RNPC3: variants seen among roughly 807,000 people sequenced by gnomAD.
RNPC3 encodes the protein RNA-binding region-containing protein 3.
A neutral mutation model predicts 67.5 loss-of-function variants in RNPC3; 48 were observed. That is an observed-to-expected ratio of 0.71 (90% CI 0.56 to 0.90). The LOEUF (loss-of-function observed/expected upper bound fraction) is 0.90, where lower values mean the gene tolerates loss of function less well. Ranked by LOEUF, RNPC3 falls within the 40% of genes least tolerant of loss-of-function variation. RNPC3 has a pLI of 0.00. For synonymous variants in RNPC3, 239 were observed against 210.3 expected (o/e 1.14, Z -1.18); for missense variants, 637 against 626.1 (o/e 1.02, Z -0.19).
At position 103,529,802 on chromosome 1, in the gene RNPC3, C is replaced by T. The variant is rs146171109; in HGVS notation, c.240+2060C>T. 2.1e-3 allele frequency among the ~76,000 whole-genome samples: 326 copies of T among 152,276 alleles called. 4 individuals carry two copies. Among genetic ancestry groups the T allele is most frequent in the South Asian group, 8.5e-3 (41 of 4,830 alleles). On this transcript the variant is annotated intron_variant, in intron 2 of 14. Coordinates refer to ENST00000423855, the MANE Select transcript of RNPC3 (RefSeq NM_017619.4). ...TGGGACACAGACTGGTACCCAGCCACGGCCTGGTACCTAACCACCACCTGT... is the reference window on the plus strand; with the variant it reads ...TGGGACACAGACTGGTACCCAGCCATGGCCTGGTACCTAACCACCACCTGT...
chr1:103,527,800 T>C, intron 2 of RNPC3, 58 bp downstream of exon 2: 4 of 1,258,614 alleles, frequency 3.2e-6, no homozygotes, highest in Non-Finnish European at 4.5e-6. Context: ...ACAATCTTGG[T>C]TCAGATAATG....
At chr1:103,540,480 C>A (rs981607259) in intron 7 of RNPC3, among the ~76,000 whole-genome samples, 1 of 152,058 alleles carries the variant, frequency 6.6e-6, no homozygotes, top group Non-Finnish European at 1.5e-5. Flanking sequence ...TTTGGGTCAG[C>A]AATTTATAAA....
chr1:103,548,376 A>G (rs1451635798), intron 12 of RNPC3, among the ~76,000 whole-genome samples: 1 of 152,178 alleles, frequency 6.6e-6, no homozygotes, highest in Non-Finnish European at 1.5e-5. Flanking sequence ...TTTGCTGCTT[A>G]GAGATTTCTT....
intron 8 of RNPC3, 101 bp downstream of exon 8, chr1:103,541,576 G>A: frequency 8.3e-7 from 1 of 1,201,886 alleles, no homozygotes; most frequent in Non-Finnish European, 1.1e-6. Flanking sequence ...TCCTGTCAGT[G>A]TTCTTGGTTT....
rs894184010 is a variant in RNPC3 at position 103,525,895 on chromosome 1, G to A, written c.-176G>A. The A allele has an allele frequency of 3.4e-6, 2 of 596,674 alleles. No individual in the cohort carries two copies. The highest frequency in any genetic ancestry group is 5.9e-6 in the Non-Finnish European group (2 of 340,150). The allele number at this position is 596,674 out of a possible 1,614,324, so 37.0% of individuals were successfully genotyped here. A position where few individuals can be genotyped will look rare whatever the true frequency, so the allele number is the denominator to read the frequency against. On this transcript the variant is annotated 5_prime_UTR_variant, in exon 1 of 15. Coordinates refer to ENST00000423855, the MANE Select transcript of RNPC3 (RefSeq NM_017619.4). ...CCCTTCCCCGAAGAGTCTTCGAAGGGTTGCCGCTTTTCGGTGGCGCAGTTC... is the reference window on the plus strand; with the variant it reads ...CCCTTCCCCGAAGAGTCTTCGAAGGATTGCCGCTTTTCGGTGGCGCAGTTC...
Position 103,544,970 on chromosome 1 carries a change from A to T in RNPC3, c.1075A>T (p.Asn359Tyr). Reference protein sequence around the residue: ...DLPATEVDASNIGFGKIFPKP... With the variant: ...DLPATEVDASYIGFGKIFPKP... ...ACCTGCTACTGAAGTTGATGCATCCAATATAGGATTTGGAAAAATCTTCCC... is the reference window on the plus strand; with the variant it reads ...ACCTGCTACTGAAGTTGATGCATCCTATATAGGATTTGGAAAAATCTTCCC... Residue 359 changes from asparagine to tyrosine, a missense_variant, in exon 10 of 15, where the codon AAT becomes TAT. Physicochemically the swap from Asn to Tyr is moderately radical, Grantham distance 143. Transcript: ENST00000423855. 1 of 1,531,978 alleles carries T rather than the reference A, an allele frequency of 6.5e-7. No homozygotes were observed. Among genetic ancestry groups the T allele is most frequent in the Non-Finnish European group, 8.7e-7 (1 of 1,143,836 alleles). 94.9% of individuals were successfully genotyped at this position (1,531,978 alleles called of 1,614,324 possible).
In RNPC3 at chr1:103,541,380, T is replaced by G. The variant is rs748611184; in HGVS notation, c.798T>G (p.Leu266=). ...ACAAATTAATGGAACTAGCAAATCT[T>G]CAGCCCAAAAGACCTAAAACAATAA... ...RMNKLMELAN[L]QPKRPKTIKQ... The change falls in exon 8 of 15, where the codon CTT becomes CTG. Residue 266 remains leucine (L), a synonymous_variant. Transcript: ENST00000423855. 1.5e-5 allele frequency: 22 copies of G among 1,506,442 alleles called. No individual in the cohort carries two copies. The highest frequency in any genetic ancestry group is 1.8e-5 in the Non-Finnish European group (21 of 1,136,408). 93.3% of individuals were successfully genotyped at this position (1,506,442 alleles called of 1,614,324 possible). A position where few individuals can be genotyped will look rare whatever the true frequency, so the allele number is the denominator to read the frequency against.
intron 12 of RNPC3, among the ~76,000 whole-genome samples, chr1:103,547,767 G>A (rs555478913): frequency 2.6e-5 from 4 of 152,192 alleles, no homozygotes; most frequent in Non-Finnish European, 5.9e-5. Flanking sequence ...TAATGTGTTA[G>A]TCTGTTTTCA....
chr1:103,530,937 C>T (rs1219390380), intron 2 of RNPC3, among the ~76,000 whole-genome samples: 2 of 152,078 alleles, frequency 1.3e-5, no homozygotes, highest in Non-Finnish European at 2.9e-5. Context: ...TTTGATGTAC[C>T]TGTCACCCAA....
At chr1:103,554,271 T>G (rs939432165) in intron 14 of RNPC3, 4 of 152,202 alleles carry the variant, frequency 2.6e-5, no homozygotes, top group Non-Finnish European at 2.9e-5. Flanking sequence ...GGAGGATTAC[T>G]TGAGCCCCAG....
intron 12 of RNPC3, among the ~76,000 whole-genome samples, chr1:103,549,478 G>A (rs1251112190): frequency 6.6e-6 from 1 of 151,880 alleles, no homozygotes; most frequent in Non-Finnish European, 1.5e-5. Context: ...CAAAATGCTA[G>A]GTCTTTTTCT....
intron 9 of RNPC3, 76 bp downstream of exon 9, chr1:103,543,523 A>G (rs10785725): frequency 1 from 1,040,949 of 1,041,326 alleles, 520,287 homozygotes; most frequent in Middle Eastern, 1. Context: ...ATAATGTTTC[A>G]TATTTTAGTA....
chr1:103,535,620 G>A (rs1650965360), intron 5 of RNPC3, among the ~76,000 whole-genome samples, 179 bp downstream of exon 5: 1 of 151,836 alleles, frequency 6.6e-6, no homozygotes, highest in Admixed American at 6.6e-5. Flanking sequence ...TCGTATAAGT[G>A]GATACTAATA....
At chr1:103,540,757 A>G (rs1218264765) in intron 7 of RNPC3, among the ~76,000 whole-genome samples, 3 of 152,286 alleles carry the variant, frequency 2.0e-5, no homozygotes, top group Middle Eastern at 6.8e-3. Flanking sequence ...GACAAGATCT[A>G]TCTTTAATAT....
intron 9 of RNPC3, among the ~76,000 whole-genome samples, chr1:103,544,148 A>G (rs1381466177): frequency 6.6e-6 from 1 of 151,676 alleles, no homozygotes; most frequent in Non-Finnish European, 1.5e-5. Flanking sequence ...GCAATTTGGT[A>G]TGTGTATATA....
chr1:103,553,007 AAAAG>A (rs929664090), intron 14 of RNPC3, among the ~76,000 whole-genome samples: 1 of 152,224 alleles, frequency 6.6e-6, no homozygotes, highest in African/African-American at 2.4e-5. Context: ...TCTGTAAACT[AAAAG>A]AACACGAAGT....
intron 14 of RNPC3, chr1:103,554,059 A>G (rs770910127): frequency 6.6e-6 from 1 of 152,210 alleles, no homozygotes; most frequent in Non-Finnish European, 1.5e-5. Context: ...TCTGGAACTT[A>G]AATACTAATT....
intron 14 of RNPC3, 100 bp from the exon 15 acceptor site, chr1:103,554,934 C>T (rs1176419604): frequency 6.6e-6 from 1 of 152,164 alleles, no homozygotes; most frequent in African/African-American, 2.4e-5. Context: ...TGACATGATT[C>T]ACTAATTTTC....
chr1:103,551,740 G>A lies in RNPC3; in HGVS notation c.1514G>A (p.Arg505Lys), dbSNP rs1181825689. 13 of 1,534,310 alleles carry A rather than the reference G, an allele frequency of 8.5e-6. No individual in the cohort carries two copies. The highest frequency in any genetic ancestry group is 1.1e-5 in the Non-Finnish European group (13 of 1,136,968). Residue 505 changes from arginine to lysine, a missense_variant, in exon 14 of 15, where the codon AGA becomes AAA. By Grantham distance (26) the Arg-to-Lys change is conservative. Coordinates refer to ENST00000423855, the MANE Select transcript of RNPC3 (RefSeq NM_017619.4). Reference protein sequence around the residue: ...PMVVQFARSARPKQDPKEGKR... With the variant: ...PMVVQFARSAKPKQDPKEGKR... Reference sequence around the variant, plus strand: ...TATTAGCAGTTTGCTCGATCTGCTAGACCAAAACAAGATCCTAAGGAAGGA... The same window carrying A: ...TATTAGCAGTTTGCTCGATCTGCTAAACCAAAACAAGATCCTAAGGAAGGA...
Sources: gnomAD v4.1 joint callset for allele counts (sites outside exome capture counted in the v4.1 genomes callset) on GRCh38, gnomAD v4.1.1 for gene constraint, MANE v1.5 for transcripts, NCBI Gene and HGNC (gene_info 2026-07-23, HGNC 2026-07-21) for gene names.